Variants in XDH observed in about 807,000 individuals in gnomAD.
XDH encodes xanthine dehydrogenase.
In XDH, 138 loss-of-function variants were observed where a neutral mutation model predicts 156.1. That is an observed-to-expected ratio of 0.88 (90% CI 0.77 to 1.02). The LOEUF (loss-of-function observed/expected upper bound fraction) is 1.02, where lower values mean the gene tolerates loss of function less well. Among genes scored for constraint, XDH ranks in the 50% least tolerant of loss-of-function variants. XDH has a pLI of 0.00. For synonymous variants in XDH, 669 were observed against 625.7 expected, an observed-to-expected ratio of 1.07 and a Z score of -1.03; for missense variants, 1,849 against 1,684.9, an observed-to-expected ratio of 1.10 and a Z score of -1.71.
At chr2:31,398,274 G>A (rs186624053) in intron 5 of XDH, among the ~76,000 whole-genome samples, 5 of 152,264 alleles carry the variant, frequency 3.3e-5, no homozygotes, top group East Asian at 3.9e-4. Context: ...TCTAAATGAC[G>A]TCTTCCTGCA....
At chr2:31,397,525 G>T in intron 6 of XDH, 143 bp downstream of exon 6, 1 of 1,013,172 alleles carries the variant, frequency 9.9e-7, no homozygotes, top group Middle Eastern at 2.0e-4. Flanking sequence ...CATGCCAGAT[G>T]TCCCCAGAGG....
chr2:31,349,101 G>A (rs1043598161), intron 26 of XDH, 121 bp from the exon 27 acceptor site: 4 of 926,522 alleles, frequency 4.3e-6, no homozygotes, highest in African/African-American at 1.6e-5. Flanking sequence ...AGAACAGTCA[G>A]CTGGTGCACA....
intron 8 of XDH, among the ~76,000 whole-genome samples, chr2:31,387,076 G>A (rs77775907): frequency 0.02 from 3,027 of 152,070 alleles, 42 homozygotes; most frequent in Non-Finnish European, 0.032. Context: ...TAGGAAGGCT[G>A]GCTTTAGTGC....
At chr2:31,381,870 A>G in intron 11 of XDH, 144 bp from the exon 12 acceptor site, 1 of 739,082 alleles carries the variant, frequency 1.4e-6, no homozygotes, top group Admixed American at 2.1e-5. Flanking sequence ...CAATACCAGC[A>G]TAGTGAGAAC....
intron 6 of XDH, among the ~76,000 whole-genome samples, chr2:31,396,452 T>C (rs1171349930): frequency 6.6e-6 from 1 of 152,166 alleles, no homozygotes; most frequent in Non-Finnish European, 1.5e-5. Flanking sequence ...ATATACCAGC[T>C]TCATAATTTA....
At chr2:31,347,143 G>C (rs895077097) in intron 29 of XDH, among the ~76,000 whole-genome samples, 1 of 152,174 alleles carries the variant, frequency 6.6e-6, no homozygotes, top group African/African-American at 2.4e-5. Context: ...CAAACTGCTT[G>C]TTTGATTATA....
chr2:31,400,327 C>T (rs1054622114), intron 4 of XDH, among the ~76,000 whole-genome samples: 1 of 149,864 alleles, frequency 6.7e-6, no homozygotes, highest in Non-Finnish European at 1.5e-5. Context: ...CAAGCTCCAT[C>T]TCCCAGGTTC....
intron 5 of XDH, among the ~76,000 whole-genome samples, chr2:31,398,203 A>G (rs1686961303): frequency 6.6e-6 from 1 of 152,202 alleles, no homozygotes; most frequent in South Asian, 2.1e-4. Flanking sequence ...GGCCCTGCAG[A>G]ATCCTGTTCT....
chr2:31,381,642 CA>C lies in XDH; in HGVS notation c.1122del (p.Val375CysfsTer24), dbSNP rs1190920615. The C allele has an allele frequency of 6.2e-7, 1 of 1,614,110 alleles. No homozygotes were observed. Among genetic ancestry groups the C allele is most frequent in the Admixed American group, 1.7e-5 (1 of 60,026 alleles). ...GCTTCAGGCAGCTCACCTCTGGACA[CA>C]AGTGTCAGCTTGGCCCCACTGGCCA... is the stretch of plus-strand genomic sequence containing the variant. ...VFMASGAKLTLVSRGTRRTVQ... is the reference protein window; with the variant it reads ...VFMASGAKLTXVSRGTRRTVQ... On this transcript the variant is annotated frameshift_variant, in exon 12 of 36. Coordinates refer to ENST00000379416, the MANE Select transcript of XDH (RefSeq NM_000379.4). LOFTEE classifies it high-confidence loss of function.
intron 11 of XDH, 27 bp downstream of exon 11, chr2:31,382,974 C>T (rs1686477995): frequency 1.2e-6 from 2 of 1,613,908 alleles, no homozygotes; most frequent in Non-Finnish European, 1.7e-6. Flanking sequence ...ATCCTACGGG[C>T]CTCGCTTGCT....
chr2:31,399,360 C>T (rs1388425687), intron 4 of XDH, among the ~76,000 whole-genome samples: 1 of 152,084 alleles, frequency 6.6e-6, no homozygotes, highest in East Asian at 1.9e-4. Flanking sequence ...CAGGGCACTG[C>T]AGCAATTAGA....
intron 28 of XDH, among the ~76,000 whole-genome samples, chr2:31,348,054 C>T (rs541434209): frequency 6.6e-6 from 1 of 152,340 alleles, no homozygotes; most frequent in Non-Finnish European, 1.5e-5. Flanking sequence ...TTGGTAATAG[C>T]AATGTCCTCA....
At chr2:31,412,998 A>C (rs1197792054) in intron 1 of XDH, among the ~76,000 whole-genome samples, 1 of 152,220 alleles carries the variant, frequency 6.6e-6, no homozygotes, top group East Asian at 1.9e-4. Context: ...AGTAAAATGC[A>C]AGGGAAAATA....
chr2:31,413,536 A>G (rs2148016590), intron 1 of XDH, among the ~76,000 whole-genome samples: 1 of 152,334 alleles, frequency 6.6e-6, no homozygotes, highest in African/African-American at 2.4e-5. Context: ...TTTCTTTTAC[A>G]GTCACCCAAA....
chr2:31,350,032 C>T lies in XDH; in HGVS notation c.2823G>A (p.Glu941=). ...TTGTGCTACCAAATTCTCAGCTTACCTCCTCTGCAGGCATCCCACAGGTCA... is the reference window on the plus strand; with the variant it reads ...TTGTGCTACCAAATTCTCAGCTTACTTCCTCTGCAGGCATCCCACAGGTCA... ...VAVTCGMPAE[E]VRRKNLYKEG... is the part of the protein sequence containing the mutation. Residue 941 remains glutamate, a splice_region_variant and synonymous_variant, in exon 25 of 36, where the codon GAG becomes GAA. Transcript: ENST00000379416. 6.2e-7 allele frequency: 1 copy of T among 1,613,990 alleles called. No homozygotes were observed. The highest frequency in any genetic ancestry group is 8.5e-7 in the Non-Finnish European group (1 of 1,180,044).
intron 2 of XDH, among the ~76,000 whole-genome samples, 157 bp downstream of exon 2, chr2:31,405,748 CAG>C (rs1424426634): frequency 6.6e-6 from 1 of 152,144 alleles, no homozygotes; most frequent in Non-Finnish European, 1.5e-5. Context: ...TTTCAGATTA[CAG>C]GTGCAACTAA....
intron 24 of XDH, among the ~76,000 whole-genome samples, chr2:31,359,924 G>A (rs962149958): frequency 1.3e-5 from 2 of 152,210 alleles, no homozygotes; most frequent in Non-Finnish European, 2.9e-5. Flanking sequence ...CAGGGATGGG[G>A]GATGGTGAGG....
chr2:31,396,677 C>T (rs560797925), intron 6 of XDH, among the ~76,000 whole-genome samples: 6 of 152,258 alleles, frequency 3.9e-5, no homozygotes, highest in African/African-American at 1.2e-4. Flanking sequence ...CTAATAGAAA[C>T]AAGGAGACTT....
Position 31,342,414 on chromosome 2 carries a change from G to C in XDH, c.3405-117C>G, listed in dbSNP as rs1023932227. 9.0e-6 allele frequency: 8 copies of C among 884,920 alleles called. No homozygotes were observed. In the African/African-American group the frequency reaches 1.3e-4, roughly 15 times the overall value. The allele number at this position is 884,920 out of a possible 1,614,324, so 54.8% of individuals were successfully genotyped here. On this transcript the variant is annotated intron_variant, in intron 31 of 35. Transcript: ENST00000379416. ...ACCCCACAAGTTTTTGCATTCAGCTGTTCTCCAAAAAAGTCCATGGTTTGA... is the reference window on the plus strand; with the variant it reads ...ACCCCACAAGTTTTTGCATTCAGCTCTTCTCCAAAAAAGTCCATGGTTTGA...
Sources: allele counts gnomAD v4.1 joint callset (sites outside exome capture counted in the v4.1 genomes callset), GRCh38; gene constraint gnomAD v4.1.1; transcripts MANE v1.5; gene names NCBI Gene and HGNC (gene_info 2026-07-23, HGNC 2026-07-21).